The following CTNND2 variants were observed in gnomAD, a reference collection of about 807,000 sequenced individuals.
The protein encoded by CTNND2 is catenin delta-2.
A neutral mutation model predicts 144.4 loss-of-function variants in CTNND2; 22 were observed. The observed-to-expected ratio is 0.15, with a 90% CI of 0.11 to 0.22. The LOEUF (loss-of-function observed/expected upper bound fraction) is 0.22. Among genes scored for constraint, CTNND2 ranks in the 10% least tolerant of loss-of-function variants. CTNND2 has a pLI of 1.00. For missense variants in CTNND2, 1,353 were observed against 1,618.8 expected, an observed-to-expected ratio of 0.84 and a Z score of 2.82; for synonymous variants, 751 against 695.6, an observed-to-expected ratio of 1.08 and a Z score of -1.25.
intron 1 of CTNND2, among the ~76,000 whole-genome samples, chr5:11,902,767 T>C (rs1738012896): frequency 6.6e-6 from 1 of 151,968 alleles, no homozygotes; most frequent in Non-Finnish European, 1.5e-5. Flanking sequence ...TCAGCTCAAA[T>C]GAGGCACACA....
chr5:11,101,331 T>C (rs1461381167), intron 14 of CTNND2, among the ~76,000 whole-genome samples: 1 of 152,240 alleles, frequency 6.6e-6, no homozygotes, highest in Non-Finnish European at 1.5e-5. Context: ...ACATGCTTGA[T>C]ATTATTTTGT....
chr5:11,752,900 G>A (rs1005261416), intron 1 of CTNND2, among the ~76,000 whole-genome samples: 4 of 151,752 alleles, frequency 2.6e-5, no homozygotes, highest in East Asian at 1.9e-4. Flanking sequence ...TCACCTCCCT[G>A]GTTAGCTGCA....
chr5:11,902,097 C>A (rs1342637101), intron 1 of CTNND2, among the ~76,000 whole-genome samples: 1 of 152,190 alleles, frequency 6.6e-6, no homozygotes, highest in Non-Finnish European at 1.5e-5. Context: ...GCAACACTGA[C>A]TTGTGATTAG....
At chr5:11,139,435 A>C (rs986187906) in intron 12 of CTNND2, among the ~76,000 whole-genome samples, 2 of 152,246 alleles carry the variant, frequency 1.3e-5, no homozygotes, top group Non-Finnish European at 2.9e-5. Flanking sequence ...GGACCAGCTG[A>C]TGAATCCCTG....
At chr5:11,143,768 A>T (rs1335375382) in intron 12 of CTNND2, among the ~76,000 whole-genome samples, 1 of 152,238 alleles carries the variant, frequency 6.6e-6, no homozygotes, top group Non-Finnish European at 1.5e-5. Context: ...TGGGTGATGA[A>T]GCTCTGGCAT....
At position 11,346,454 on chromosome 5, in the gene CTNND2, A is replaced by G. The variant is rs1302703090; in HGVS notation, c.1546T>C (p.Tyr516His). The change falls in exon 9 of 22, where the codon TAC (tyrosine) becomes CAC (histidine). Residue 516 changes from tyrosine to histidine, a missense_variant. Around this residue, in one of 4 missense-constraint regions of CTNND2, gnomAD observed 708 missense variants for 706.4 expected, o/e 1.00. Coordinates refer to ENST00000304623, the MANE Select transcript of CTNND2 (RefSeq NM_001332.4). ...GGGAGAGCAGGGCCGGATTTGCTGTATGGAGACTCAACAGAGGGACAATAC... is the reference window on the plus strand; with the variant it reads ...GGGAGAGCAGGGCCGGATTTGCTGTGTGGAGACTCAACAGAGGGACAATAC... ...LQYCPSVESP[Y>H]SKSGPALPPE... 1.9e-6 allele frequency: 3 copies of G among 1,588,790 alleles called. No individual in the cohort carries two copies. The highest frequency in any genetic ancestry group is 2.6e-6 in the Non-Finnish European group (3 of 1,166,482).
chr5:11,241,834 T>C (rs1742484261), intron 9 of CTNND2, among the ~76,000 whole-genome samples: 1 of 152,088 alleles, frequency 6.6e-6, no homozygotes, highest in Non-Finnish European at 1.5e-5. Context: ...TCTTAATCCT[T>C]AAGGACAAAG....
intron 1 of CTNND2, among the ~76,000 whole-genome samples, chr5:11,776,387 C>T (rs1790255869): frequency 6.6e-6 from 1 of 152,172 alleles, no homozygotes; most frequent in African/African-American, 2.4e-5. Flanking sequence ...ATAATATTTT[C>T]TGTTAATTGC....
At chr5:11,789,484 T>G (rs1339993251) in intron 1 of CTNND2, among the ~76,000 whole-genome samples, 1 of 152,216 alleles carries the variant, frequency 6.6e-6, no homozygotes, top group Non-Finnish European at 1.5e-5. Flanking sequence ...TCTTATAATT[T>G]TATTATTTCT....
chr5:11,066,947 T>C (rs1370866266), intron 16 of CTNND2, among the ~76,000 whole-genome samples: 1 of 152,196 alleles, frequency 6.6e-6, no homozygotes, highest in Non-Finnish European at 1.5e-5. Context: ...AAAGGTTTGA[T>C]CTTCAAGGGG....
intron 12 of CTNND2, among the ~76,000 whole-genome samples, chr5:11,156,864 T>C (rs1758264139): frequency 6.6e-6 from 1 of 152,174 alleles, no homozygotes; most frequent in South Asian, 2.1e-4. Flanking sequence ...AAAAGCCAAA[T>C]GATGTTGGCC....
At chr5:11,381,694 G>C (rs185840289) in intron 7 of CTNND2, among the ~76,000 whole-genome samples, 2 of 152,206 alleles carry the variant, frequency 1.3e-5, no homozygotes, top group South Asian at 4.1e-4. Flanking sequence ...GGGACCAGGT[G>C]TGGTGGCTCA....
At chr5:11,810,795 A>G (rs1792288629) in intron 1 of CTNND2, among the ~76,000 whole-genome samples, 1 of 152,160 alleles carries the variant, frequency 6.6e-6, no homozygotes, top group African/African-American at 2.4e-5. Context: ...TTGTCATACT[A>G]CTTTAAATTT....
At chr5:11,437,054 A>C (rs1763838361) in intron 3 of CTNND2, among the ~76,000 whole-genome samples, 2 of 152,162 alleles carry the variant, frequency 1.3e-5, no homozygotes, top group African/African-American at 4.8e-5. Flanking sequence ...ATATAAAAGC[A>C]CTCTAAAAAC....
At chr5:11,783,855 C>T (rs1320810599) in intron 1 of CTNND2, among the ~76,000 whole-genome samples, 2 of 152,192 alleles carry the variant, frequency 1.3e-5, no homozygotes, top group Non-Finnish European at 2.9e-5. Flanking sequence ...AAGGCCCTGA[C>T]TACTTGTGCT....
At chr5:11,511,268 A>C (rs1351117855) in intron 3 of CTNND2, among the ~76,000 whole-genome samples, 1 of 152,194 alleles carries the variant, frequency 6.6e-6, no homozygotes, top group Non-Finnish European at 1.5e-5. Flanking sequence ...ATATCATTCT[A>C]TTTGGTTTCT....
chr5:11,190,179 A>T lies in CTNND2; in HGVS notation c.1975+9269T>A, dbSNP rs61751809. On this transcript the variant is annotated intron_variant, in intron 11 of 21. Transcript: ENST00000304623. ...AATTAACAGCAATGTACTGGGAAGG[A>T]TTCTTCCCCAGGCCTGATGTTTCCT... is the stretch of plus-strand genomic sequence containing the variant. Among the ~76,000 whole-genome samples the T allele has an allele frequency of 4.4e-3, 664 of 152,346 alleles. 7 individuals are homozygous for T. Among genetic ancestry groups the T allele is most frequent in the African/African-American group, 0.015 (627 of 41,572 alleles).
At chr5:11,240,672 A>T (rs1452331241) in intron 9 of CTNND2, among the ~76,000 whole-genome samples, 4 of 140,576 alleles carry the variant, frequency 2.8e-5, no homozygotes, top group African/African-American at 1.1e-4. Context: ...CTCACCCAAT[A>T]CACACATCCA....
At chr5:11,744,697 G>GTT (rs758576584) in intron 1 of CTNND2, among the ~76,000 whole-genome samples, 11,555 of 149,848 alleles carry the variant, frequency 0.077, 1,179 homozygotes, top group African/African-American at 0.24. Flanking sequence ...GTGTGTGTGC[G>GTT]TGTGTGTGTG....
Sources: allele counts gnomAD v4.1 joint callset (sites outside exome capture counted in the v4.1 genomes callset), GRCh38; gene constraint gnomAD v4.1.1; regional missense constraint gnomAD v4.1.1; transcripts MANE v1.5; gene names NCBI Gene and HGNC (gene_info 2026-07-23, HGNC 2026-07-21).